Variants in BTBD7 observed in about 807,000 individuals in gnomAD.
BTBD7 encodes BTB domain containing 7, also known as BTB/POZ domain-containing protein 7.
Under a neutral mutation model 99.9 loss-of-function variants are expected in BTBD7, and 38 were observed. The ratio of observed to expected loss-of-function variants is 0.38; its 90% CI spans 0.29 to 0.50. BTBD7 has a LOEUF of 0.50. BTBD7 is among the 20% of genes least tolerant of loss of function. The pLI, the probability that BTBD7 is intolerant of heterozygous loss-of-function variation, is 0.93. For synonymous variants in BTBD7, 520 were observed against 511.4 expected (o/e 1.02, Z -0.23); for missense variants, 1,170 against 1,394.6 (o/e 0.84, Z 2.57).
intron 10 of BTBD7, among the ~76,000 whole-genome samples, chr14:93,243,785 C>T (rs2052267017): frequency 6.6e-6 from 1 of 152,112 alleles, no homozygotes; most frequent in African/African-American, 2.4e-5. Context: ...GTCAAGACTG[C>T]AATGAACAGA....
chr14:93,287,476 C>T (rs2052794161), intron 3 of BTBD7, among the ~76,000 whole-genome samples: 1 of 151,896 alleles, frequency 6.6e-6, no homozygotes, highest in African/African-American at 2.4e-5. Flanking sequence ...ATAGTGCTTA[C>T]TGCTGAGCCA....
At chr14:93,304,314 G>T (rs1016672280) in intron 1 of BTBD7, among the ~76,000 whole-genome samples, 3 of 150,350 alleles carry the variant, frequency 2.0e-5, no homozygotes, top group African/African-American at 7.6e-5. Flanking sequence ...TAGATTTAGA[G>T]ATGGTGATAA....
intron 1 of BTBD7, among the ~76,000 whole-genome samples, chr14:93,321,588 GTC>G (rs2053270396): frequency 6.6e-6 from 1 of 152,112 alleles, no homozygotes; most frequent in Non-Finnish European, 1.5e-5. Flanking sequence ...GCAAGACTCC[GTC>G]ACAAACAAAC....
chr14:93,244,741 C>A (rs2052283035), intron 10 of BTBD7, among the ~76,000 whole-genome samples: 1 of 152,138 alleles, frequency 6.6e-6, no homozygotes, highest in East Asian at 1.9e-4. Context: ...TGGACTCAAG[C>A]TTCCAATAAG....
intron 3 of BTBD7, among the ~76,000 whole-genome samples, chr14:93,289,681 A>G (rs2052823449): frequency 6.6e-6 from 1 of 152,188 alleles, no homozygotes; most frequent in Admixed American, 6.5e-5. Context: ...ATAAAATTAA[A>G]CATATTCATT....
intron 5 of BTBD7, among the ~76,000 whole-genome samples, chr14:93,259,913 AAC>A (rs1339527282): frequency 6.6e-6 from 1 of 152,220 alleles, no homozygotes; most frequent in Non-Finnish European, 1.5e-5. Flanking sequence ...CAGCCTGGGA[AAC>A]ACAGCAAGAC....
Position 93,294,876 on chromosome 14 carries a change from A to G in BTBD7, c.144T>C (p.His48=). The G allele has an allele frequency of 1.9e-6, 3 of 1,613,720 alleles. No homozygotes were observed. The highest frequency in any genetic ancestry group is 1.1e-5 in the South Asian group (1 of 91,022). Residue 48 remains histidine (H), a synonymous_variant, in exon 3 of 11, where the codon CAT becomes CAC. Coordinates refer to ENST00000334746, the MANE Select transcript of BTBD7 (RefSeq NM_001002860.4). ...GCESKLYSLD[H]GHEKPQDKKK... is the part of the protein sequence containing the mutation. ...TTTTGTCTTGTGGTTTCTCATGGCC[A>G]TGGTCAAGGCTATACAACTTTGATT...
intron 1 of BTBD7, among the ~76,000 whole-genome samples, chr14:93,324,632 A>G (rs2053307654): frequency 6.6e-6 from 1 of 152,184 alleles, no homozygotes; most frequent in East Asian, 1.9e-4. Flanking sequence ...TGATCCCAAG[A>G]CAGCTGTCGG....
chr14:93,247,952 A>G (rs1595285088), intron 9 of BTBD7, among the ~76,000 whole-genome samples: 1 of 152,242 alleles, frequency 6.6e-6, no homozygotes, highest in Non-Finnish European at 1.5e-5. Context: ...AACAGAAACG[A>G]AAGTGGGCAT....
chr14:93,331,603 G>C (rs571225660), intron 1 of BTBD7, among the ~76,000 whole-genome samples: 4 of 152,214 alleles, frequency 2.6e-5, no homozygotes, highest in African/African-American at 9.7e-5. Context: ...TGACCAGACC[G>C]GGCGCGGTGG....
chr14:93,295,478 T>C (rs981383681), intron 2 of BTBD7, among the ~76,000 whole-genome samples: 3 of 152,116 alleles, frequency 2.0e-5, no homozygotes, highest in Non-Finnish European at 4.4e-5. Context: ...AGCAAATTAG[T>C]CTAAATTTTT....
At chr14:93,302,306 G>A (rs1489516076) in intron 1 of BTBD7, among the ~76,000 whole-genome samples, 1 of 152,202 alleles carries the variant, frequency 6.6e-6, no homozygotes, top group Non-Finnish European at 1.5e-5. Flanking sequence ...CAGTGAGGCA[G>A]TGGTGTGGGT....
intron 3 of BTBD7, among the ~76,000 whole-genome samples, chr14:93,269,707 A>C (rs1158250582): frequency 3.3e-5 from 5 of 152,210 alleles, no homozygotes; most frequent in African/African-American, 1.2e-4. Context: ...GCAATTGTTT[A>C]GTTTCTAAAT....
At chr14:93,259,056 T>C (rs548752085) in intron 5 of BTBD7, among the ~76,000 whole-genome samples, 10 of 152,330 alleles carry the variant, frequency 6.6e-5, no homozygotes, top group African/African-American at 1.7e-4. Context: ...GAAGTAGTTA[T>C]AAAGTCAACA....
rs1478013024 is a variant in BTBD7, at chr14:93,246,177, A to G, written c.2231T>C (p.Met744Thr). 10 of 1,613,652 alleles carry G rather than the reference A, an allele frequency of 6.2e-6. No homozygotes were observed. The East Asian group carries it at 1.8e-4, about 29-fold the overall frequency. ...RVNSTPPAET[M>T]FTDLDSFVAF... ...CACAAAAGAGTCCAGATCTGTAAAC[A>G]TGGTTTCTGCAGGAGGTGTACTGTT... Residue 744 changes from methionine to threonine, a missense_variant, in exon 10 of 11, where the codon ATG becomes ACG. Met to Thr is a moderately conservative substitution (Grantham distance 81, BLOSUM62 -1). Around this residue, in one of 4 missense-constraint regions of BTBD7, gnomAD observed 495 missense variants for 525.9 expected, o/e 0.94. Transcript: ENST00000334746.
At chr14:93,269,074 T>C (rs535601349) in intron 3 of BTBD7, among the ~76,000 whole-genome samples, 4 of 152,276 alleles carry the variant, frequency 2.6e-5, no homozygotes, top group African/African-American at 7.2e-5. Context: ...TTAGGACTTT[T>C]ACTAATCAAT....
At chr14:93,315,628 A>T (rs1412973179) in intron 1 of BTBD7, among the ~76,000 whole-genome samples, 1 of 152,184 alleles carries the variant, frequency 6.6e-6, no homozygotes, top group Non-Finnish European at 1.5e-5. Flanking sequence ...ATTATTTTGG[A>T]CATTTTATAT....
chr14:93,315,479 T>A (rs2053189767), intron 1 of BTBD7, among the ~76,000 whole-genome samples: 1 of 152,202 alleles, frequency 6.6e-6, no homozygotes, highest in Non-Finnish European at 1.5e-5. Context: ...GACACTATAT[T>A]ACTTGTAGAT....
intron 3 of BTBD7, chr14:93,287,853 T>C (rs2052798713): frequency 6.6e-6 from 1 of 152,298 alleles, no homozygotes; most frequent in African/African-American, 2.4e-5. Context: ...CGTCATTTGG[T>C]GGAATACATT....
Sources: allele counts gnomAD v4.1 joint callset (sites outside exome capture counted in the v4.1 genomes callset), GRCh38; gene constraint gnomAD v4.1.1; regional missense constraint gnomAD v4.1.1; transcripts MANE v1.5; gene names NCBI Gene and HGNC (gene_info 2026-07-23, HGNC 2026-07-21).